The following FBXL20 variants were observed in gnomAD, a reference collection of about 807,000 sequenced individuals.
The protein encoded by FBXL20 is F-box/LRR-repeat protein 20.
A neutral mutation model predicts 64.0 loss-of-function variants in FBXL20; 11 were observed. The ratio of observed to expected loss-of-function variants is 0.17; its 90% CI spans 0.11 to 0.28. The LOEUF is 0.28. FBXL20 is among the 10% of genes least tolerant of loss of function. The pLI, the probability that FBXL20 is intolerant of heterozygous loss-of-function variation, is 1.00. For missense variants in FBXL20, 303 were observed against 526.2 expected, an observed-to-expected ratio of 0.58 and a Z score of 4.15; for synonymous variants, 184 against 189.0, an observed-to-expected ratio of 0.97 and a Z score of 0.22.
intron 1 of FBXL20, among the ~76,000 whole-genome samples, chr17:39,364,552 G>A (rs912137618): frequency 6.6e-6 from 1 of 152,168 alleles, no homozygotes; most frequent in African/African-American, 2.4e-5. Flanking sequence ...AGAGGTTACA[G>A]TGAGCCAAGG....
intron 5 of FBXL20, among the ~76,000 whole-genome samples, chr17:39,298,529 G>A (rs1475314838): frequency 6.6e-6 from 1 of 152,102 alleles, no homozygotes; most frequent in Non-Finnish European, 1.5e-5. Flanking sequence ...GACCAGCCTG[G>A]ACAACAAAAT....
At chr17:39,394,136 A>G (rs1419323299) in intron 1 of FBXL20, among the ~76,000 whole-genome samples, 2 of 152,140 alleles carry the variant, frequency 1.3e-5, no homozygotes, top group Admixed American at 1.3e-4. Context: ...ACAACTGTGC[A>G]CAAGTAGCTA....
intron 2 of FBXL20, among the ~76,000 whole-genome samples, chr17:39,320,223 C>A (rs770569531): frequency 2.2e-4 from 33 of 150,626 alleles, no homozygotes; most frequent in Non-Finnish European, 3.7e-4. Context: ...GGTAGATCAA[C>A]TATCTATACT....
chr17:39,372,997 TTTTTC>T (rs962066436), intron 1 of FBXL20, among the ~76,000 whole-genome samples: 7 of 152,064 alleles, frequency 4.6e-5, no homozygotes, highest in Admixed American at 2.6e-4. Flanking sequence ...AGACTACTTA[TTTTTC>T]TTTTCTTTTT....
chr17:39,312,851 C>A (rs1168233874), intron 2 of FBXL20, among the ~76,000 whole-genome samples: 2 of 150,712 alleles, frequency 1.3e-5, no homozygotes, highest in Non-Finnish European at 2.9e-5. Context: ...GCTGGGATTA[C>A]AGGCGTGAGC....
At chr17:39,343,692 ACT>A (rs970697188) in intron 1 of FBXL20, among the ~76,000 whole-genome samples, 4 of 144,116 alleles carry the variant, frequency 2.8e-5, no homozygotes, top group South Asian at 2.2e-4. Context: ...CGTGGCGAAA[ACT>A]CTTTTTTTTT....
rs539054802 is a variant in FBXL20 at position 39,268,336 on chromosome 17, AC to A, written c.933+490del. On this transcript the variant is annotated intron_variant, in intron 12 of 14. Transcript: ENST00000264658. ...CCACTGCACTCCAGCCTGGGCAACA[AC>A]AGTGAAATTCCATCTCAAAAAAATA... is the stretch of plus-strand genomic sequence containing the variant. Among the ~76,000 whole-genome samples the A allele has an allele frequency of 2.1e-3, 319 of 152,232 alleles. 2 individuals carry two copies. The highest frequency in any genetic ancestry group is 7.4e-3 in the African/African-American group (307 of 41,550).
chr17:39,356,543 A>T (rs1048452165), intron 1 of FBXL20, among the ~76,000 whole-genome samples: 1 of 152,078 alleles, frequency 6.6e-6, no homozygotes, highest in African/African-American at 2.4e-5. Context: ...TTTTATAGAG[A>T]CGGGATTTCG....
intron 2 of FBXL20, among the ~76,000 whole-genome samples, chr17:39,337,730 G>A (rs2144557786): frequency 6.6e-6 from 1 of 151,748 alleles, no homozygotes; most frequent in Non-Finnish European, 1.5e-5. Flanking sequence ...GTCTGAGAAG[G>A]GAGGAGCGTC....
chr17:39,360,164 CAAAGGGTACCCACAGT>C (rs899902790), intron 1 of FBXL20, among the ~76,000 whole-genome samples: 14 of 152,012 alleles, frequency 9.2e-5, no homozygotes, highest in Non-Finnish European at 1.8e-4. Flanking sequence ...GTACCACTTA[CAAAGGGTACCCACAGT>C]AGTGAAATTC....
chr17:39,318,444 T>TA (rs1014748454), intron 2 of FBXL20, among the ~76,000 whole-genome samples: 13 of 151,850 alleles, frequency 8.6e-5, no homozygotes, highest in African/African-American at 3.1e-4. Context: ...TTACCACAAT[T>TA]AAAAAAACAA....
At chr17:39,389,529 T>C (rs925062436) in intron 1 of FBXL20, among the ~76,000 whole-genome samples, 3 of 151,984 alleles carry the variant, frequency 2.0e-5, no homozygotes, top group African/African-American at 7.3e-5. Context: ...TTTTAAAAAA[T>C]AAATGCAGGC....
chr17:39,341,053 T>C (rs2047578493), intron 2 of FBXL20, among the ~76,000 whole-genome samples: 1 of 151,906 alleles, frequency 6.6e-6, no homozygotes, highest in African/African-American at 2.4e-5. Flanking sequence ...AAACAAAATT[T>C]CAAAATTTCA....
chr17:39,391,753 A>G (rs1803632872), intron 1 of FBXL20, among the ~76,000 whole-genome samples: 1 of 152,162 alleles, frequency 6.6e-6, no homozygotes, highest in South Asian at 2.1e-4. Context: ...AGAGCTCTGG[A>G]AAACCTTGTA....
chr17:39,282,722 G>GT lies in FBXL20; in HGVS notation c.621+6dup. 1 of 1,614,090 alleles carries GT rather than the reference G, an allele frequency of 6.2e-7. No homozygotes were observed. Among genetic ancestry groups the GT allele is most frequent in the Admixed American group, 1.7e-5 (1 of 60,002 alleles). ...CCGAATTTCACGAGCCCTACATGGA[G>GT]TATTACCTGCGTGCAGCCTTTTAAG... On this transcript the variant is annotated splice_region_variant and intron_variant, in intron 8 of 14. Transcript: ENST00000264658.
intron 1 of FBXL20, among the ~76,000 whole-genome samples, chr17:39,354,614 G>A (rs2047718534): frequency 6.6e-6 from 1 of 152,148 alleles, no homozygotes. Context: ...TTATTTATAC[G>A]TTAGGAATCT....
intron 1 of FBXL20, among the ~76,000 whole-genome samples, chr17:39,351,072 C>T (rs554141277): frequency 1.3e-5 from 2 of 152,188 alleles, no homozygotes; most frequent in South Asian, 2.1e-4. Flanking sequence ...TAGTGGCTCA[C>T]GCCTGTAATC....
chr17:39,361,983 T>TAA (rs35807323), intron 1 of FBXL20, among the ~76,000 whole-genome samples: 4 of 130,832 alleles, frequency 3.1e-5, no homozygotes, highest in Admixed American at 7.9e-5. Flanking sequence ...TTTGGAGCAC[T>TAA]AAAAAAAAAA....
intron 2 of FBXL20, among the ~76,000 whole-genome samples, chr17:39,340,696 C>T (rs1396301401): frequency 6.6e-6 from 1 of 151,294 alleles, no homozygotes; most frequent in South Asian, 2.1e-4. Flanking sequence ...AAAATAAGAA[C>T]ATCTAAAAAA....
Sources: allele counts gnomAD v4.1 joint callset (sites outside exome capture counted in the v4.1 genomes callset), GRCh38; gene constraint gnomAD v4.1.1; transcripts MANE v1.5; gene names NCBI Gene and HGNC (gene_info 2026-07-23, HGNC 2026-07-21).